MINDY4B: variants seen among roughly 807,000 people sequenced by gnomAD.
The protein encoded by MINDY4B is MINDY family member 4B.
In MINDY4B, 25 loss-of-function variants were observed where a neutral mutation model predicts 16.7. That is an observed-to-expected ratio of 1.49 (90% CI 1.09 to 2.09). The LOEUF (loss-of-function observed/expected upper bound fraction) is 2.09, where lower values mean the gene tolerates loss of function less well. MINDY4B is among the 30% of genes most tolerant of loss of function. MINDY4B has a pLI of 0.00. For synonymous variants in MINDY4B, 132 were observed against 61.9 expected (o/e 2.13, Z -5.32); for missense variants, 327 against 168.4 (o/e 1.94, Z -5.21).
Position 150,891,251 on chromosome 3 carries a change from C to T in MINDY4B, c.522-148G>A, listed in dbSNP as rs1339528446. The stretch of plus-strand genomic sequence containing the variant: ...CTCACCTGGCTCCAAAGTTCCTGCC[C>T]TTGACTTTTATACTGCATTGAATAC... On this transcript the variant is annotated intron_variant, in intron 5 of 11. Coordinates refer to ENST00000465419, the MANE Select transcript of MINDY4B (RefSeq NM_001351281.2). The T allele has an allele frequency of 6.6e-6, 4 of 603,858 alleles. No individual in the cohort carries two copies. In the East Asian group the frequency reaches 1.1e-4, roughly 17 times the overall value. The allele number at this position is 603,858 out of a possible 1,614,324, so 37.4% of individuals were successfully genotyped here. A position where few individuals can be genotyped will look rare whatever the true frequency, so the allele number is the denominator to read the frequency against.
intron 8 of MINDY4B, among the ~76,000 whole-genome samples, chr3:150,884,419 T>G (rs1015158021): frequency 1.3e-5 from 2 of 152,216 alleles, no homozygotes; most frequent in Non-Finnish European, 2.9e-5. Flanking sequence ...TCAAGCATGG[T>G]GAGTACCGTC....
rs79267874 is a variant in MINDY4B, at chr3:150,897,221, A to T, written c.310-2916T>A. On this transcript the variant is annotated intron_variant, in intron 3 of 11. Coordinates refer to ENST00000465419, the MANE Select transcript of MINDY4B (RefSeq NM_001351281.2). ...TGCCACACACCAGCCTGTTACCTGT[A>T]ACAGAGGGGAGACTAGACAGAGAGA... 1.0e-3 allele frequency among the ~76,000 whole-genome samples: 153 copies of T among 152,232 alleles called. 1 individual carries two copies. The highest frequency in any genetic ancestry group is 3.5e-3 in the African/African-American group (147 of 41,532).
rs758187431 is a variant in MINDY4B at position 150,871,012 on chromosome 3, A to G, written c.*33T>C. ...GCTTTTGCATCCCAGCAGTTCTGACACTTCAGACTTCATTGCACAGCCTAG... is the reference window on the plus strand; with the variant it reads ...GCTTTTGCATCCCAGCAGTTCTGACGCTTCAGACTTCATTGCACAGCCTAG... On this transcript the variant is annotated 3_prime_UTR_variant, in exon 12 of 12. Coordinates refer to ENST00000465419, the MANE Select transcript of MINDY4B (RefSeq NM_001351281.2). 2.9e-6 allele frequency: 2 copies of G among 693,774 alleles called. No individual in the cohort carries two copies. The highest frequency in any genetic ancestry group is 1.5e-5 in the South Asian group (1 of 66,150). 43.0% of individuals were successfully genotyped at this position (693,774 alleles called of 1,614,324 possible). A position where few individuals can be genotyped will look rare whatever the true frequency, so the allele number is the denominator to read the frequency against.
intron 7 of MINDY4B, among the ~76,000 whole-genome samples, chr3:150,888,127 C>A (rs866332300): frequency 6.6e-6 from 1 of 151,978 alleles, no homozygotes; most frequent in African/African-American, 2.4e-5. Flanking sequence ...AGAGTAGGGC[C>A]ATGCTCTCTC....
At chr3:150,894,432 C>G in intron 3 of MINDY4B, 127 bp from the exon 4 acceptor site, 1 of 547,278 alleles carries the variant, frequency 1.8e-6, no homozygotes. Flanking sequence ...TTACATATTA[C>G]TCTAGTCCCT....
In MINDY4B at chr3:150,885,344, T is replaced by C. The variant is rs1174327738; in HGVS notation, c.824+24A>G. 6 of 701,954 alleles carry C rather than the reference T, an allele frequency of 8.5e-6. No individual in the cohort carries two copies. In the East Asian group the frequency reaches 1.3e-4, roughly 16 times the overall value. 43.5% of individuals were successfully genotyped at this position (701,954 alleles called of 1,614,324 possible). On this transcript the variant is annotated intron_variant, in intron 8 of 11. Transcript: ENST00000465419. The stretch of plus-strand genomic sequence containing the variant: ...TGATCCCAATCCTATAGAAAATACC[T>C]GTGTAAACATCTGTAGAATTTACCT...
Position 150,879,961 on chromosome 3 carries a change from T to C in MINDY4B, c.1059+2936A>G, listed in dbSNP as rs181790500. ...TCAGTTAGCATTTAGCTGTGCTGAA[T>C]GAACATAGCTGAATAAAGCACTATA... On this transcript the variant is annotated intron_variant, in intron 10 of 11. Coordinates refer to ENST00000465419, the MANE Select transcript of MINDY4B (RefSeq NM_001351281.2). Among the ~76,000 whole-genome samples, 432 of 152,374 alleles carry C rather than the reference T, an allele frequency of 2.8e-3. 1 individual carries two copies. Among genetic ancestry groups the C allele is most frequent in the African/African-American group, 0.01 (420 of 41,592 alleles).
At chr3:150,878,479 C>A (rs561047480) in intron 10 of MINDY4B, among the ~76,000 whole-genome samples, 33 of 152,220 alleles carry the variant, frequency 2.2e-4, no homozygotes, top group African/African-American at 7.2e-4. Context: ...AATAAACATC[C>A]TCAGGGTTTC....
intron 3 of MINDY4B, among the ~76,000 whole-genome samples, chr3:150,897,321 CTGTGTGTGTGTGTGTGTGTGTG>C (rs3062408): frequency 3.8e-5 from 5 of 130,596 alleles, no homozygotes; most frequent in East Asian, 2.3e-4. Context: ...GTGACTGGAA[CTGTGTGTGTGTGTGTGTGTGTG>C]TGTGTGTGTG....
chr3:150,897,299 T>C (rs796804122), intron 3 of MINDY4B, among the ~76,000 whole-genome samples: 38 of 146,886 alleles, frequency 2.6e-4, no homozygotes, highest in African/African-American at 9.8e-4. Context: ...AGATGAGGAG[T>C]AAGTGTTCAA....
chr3:150,895,658 T>A (rs1711940179), intron 3 of MINDY4B, among the ~76,000 whole-genome samples: 1 of 152,284 alleles, frequency 6.6e-6, no homozygotes, highest in East Asian at 1.9e-4. Context: ...AGAGACAGGG[T>A]TTCACCCTGT....
At chr3:150,880,749 T>A (rs968866365) in intron 10 of MINDY4B, among the ~76,000 whole-genome samples, 1 of 152,216 alleles carries the variant, frequency 6.6e-6, no homozygotes, top group African/African-American at 2.4e-5. Context: ...CATTATTGCA[T>A]TTTTGTGTCG....
chr3:150,881,544 G>A (rs916277460), intron 10 of MINDY4B, among the ~76,000 whole-genome samples: 5 of 150,872 alleles, frequency 3.3e-5, no homozygotes, highest in African/African-American at 1.2e-4. Context: ...GGAGGCTGAG[G>A]CAGGAGAATT....
Position 150,894,176 on chromosome 3 carries a change from T to C in MINDY4B, c.429+10A>G. On this transcript the variant is annotated intron_variant, in intron 4 of 11. Transcript: ENST00000465419. The stretch of plus-strand genomic sequence containing the variant: ...ATAAGGTTTTTTAAAAATTATAAAC[T>C]GGCTATTACCTTTCCCACTTCCAGA... The C allele has an allele frequency of 1.5e-6, 1 of 678,820 alleles. No homozygotes were observed. The highest frequency in any genetic ancestry group is 1.6e-5 in the South Asian group (1 of 62,824). 42.0% of individuals were successfully genotyped at this position (678,820 alleles called of 1,614,324 possible). A position where few individuals can be genotyped will look rare whatever the true frequency, so the allele number is the denominator to read the frequency against.
intron 11 of MINDY4B, 88 bp downstream of exon 11, chr3:150,873,099 A>G (rs903079746): frequency 4.9e-6 from 3 of 609,072 alleles, no homozygotes; most frequent in Non-Finnish European, 8.8e-6. Flanking sequence ...TGGAGCTAGC[A>G]TGAATATCCA....
chr3:150,897,721 C>A (rs1712015548), intron 3 of MINDY4B, among the ~76,000 whole-genome samples: 1 of 152,192 alleles, frequency 6.6e-6, no homozygotes. Flanking sequence ...GAAAAGGGGG[C>A]AGGTGCACTT....
At chr3:150,874,202 G>A (rs2107894286) in intron 10 of MINDY4B, among the ~76,000 whole-genome samples, 1 of 152,068 alleles carries the variant, frequency 6.6e-6, no homozygotes, top group South Asian at 2.1e-4. Flanking sequence ...TTTTTGTAGA[G>A]ACAGCGTCTT....
chr3:150,880,165 G>C (rs1193193568), intron 10 of MINDY4B, among the ~76,000 whole-genome samples: 2 of 152,250 alleles, frequency 1.3e-5, no homozygotes, highest in African/African-American at 2.4e-5. Context: ...GAGGAAACAG[G>C]CTCAGAGAGG....
In MINDY4B at chr3:150,883,015, A is replaced by C; in HGVS notation, c.941T>G (p.Val314Gly). ...MILTGRASPNVFNGCEEGKSQ... is the reference protein window; with the variant it reads ...MILTGRASPNGFNGCEEGKSQ... ...CTTTCCTTCCTCACAGCCATTGAAG[A>C]CATTGGGACTTGCTCTTCCAGTTAA... Residue 314 changes from valine to glycine, a missense_variant, in exon 10 of 12, where the codon GTC becomes GGC. Transcript: ENST00000465419. 1 of 702,498 alleles carries C rather than the reference A, an allele frequency of 1.4e-6. No homozygotes were observed. Among genetic ancestry groups the C allele is most frequent in the Non-Finnish European group, 2.6e-6 (1 of 384,676 alleles). 43.5% of individuals were successfully genotyped at this position (702,498 alleles called of 1,614,324 possible). A position where few individuals can be genotyped will look rare whatever the true frequency, so the allele number is the denominator to read the frequency against.
Sources: allele counts gnomAD v4.1 joint callset (sites outside exome capture counted in the v4.1 genomes callset), GRCh38; gene constraint gnomAD v4.1.1; transcripts MANE v1.5; gene names NCBI Gene and HGNC (gene_info 2026-07-23, HGNC 2026-07-21).